METTL8: variants seen among roughly 807,000 people sequenced by gnomAD.
METTL8 encodes the protein tRNA N(3)-cytidine methyltransferase METTL8, mitochondrial.
A neutral mutation model predicts 48.7 loss-of-function variants in METTL8; 32 were observed. The observed-to-expected ratio is 0.66, with a 90% CI of 0.50 to 0.88. The LOEUF is 0.88. Ranked by LOEUF, METTL8 falls within the 40% of genes least tolerant of loss-of-function variation. The pLI, the probability that METTL8 is intolerant of heterozygous loss-of-function variation, is 0.00. For synonymous variants in METTL8, 136 were observed against 157.1 expected, an observed-to-expected ratio of 0.87 and a Z score of 1.01; for missense variants, 464 against 474.4, an observed-to-expected ratio of 0.98 and a Z score of 0.20.
At chr2:171,372,554 T>C (rs1451058233) in intron 2 of METTL8, among the ~76,000 whole-genome samples, 1 of 152,088 alleles carries the variant, frequency 6.6e-6, no homozygotes, top group African/African-American at 2.4e-5. Context: ...TACATATGTA[T>C]ACATGCGCCA....
At chr2:171,387,517 G>A (rs1358616837) in intron 2 of METTL8, among the ~76,000 whole-genome samples, 1 of 151,462 alleles carries the variant, frequency 6.6e-6, no homozygotes, top group Non-Finnish European at 1.5e-5. Flanking sequence ...GCGACAGAGC[G>A]AGACTCTGTC....
intron 3 of METTL8, among the ~76,000 whole-genome samples, chr2:171,347,682 G>A (rs1408638473): frequency 1.4e-4 from 22 of 152,214 alleles, no homozygotes; most frequent in Non-Finnish European, 3.2e-4. Flanking sequence ...GCAGAAGCTT[G>A]AGTAATGTGG....
At chr2:171,373,205 G>A (rs1448539624) in intron 2 of METTL8, among the ~76,000 whole-genome samples, 1 of 152,172 alleles carries the variant, frequency 6.6e-6, no homozygotes, top group Non-Finnish European at 1.5e-5. Flanking sequence ...ATCTCATTGT[G>A]GTTTTGATTT....
intron 2 of METTL8, among the ~76,000 whole-genome samples, chr2:171,383,752 G>A (rs1687791368): frequency 6.6e-6 from 1 of 152,208 alleles, no homozygotes; most frequent in African/African-American, 2.4e-5. Flanking sequence ...TCTGGGCCAT[G>A]TCTCAAAAGC....
At chr2:171,326,358 A>G in intron 7 of METTL8, 1 of 496,000 alleles carries the variant, frequency 2.0e-6, no homozygotes. Context: ...AAAGTCCTAG[A>G]GTATCAAGAA....
At chr2:171,326,661 T>C (rs1186533898) in intron 7 of METTL8, among the ~76,000 whole-genome samples, 3 of 152,188 alleles carry the variant, frequency 2.0e-5, no homozygotes, top group African/African-American at 7.2e-5. Flanking sequence ...TTATTTTTCT[T>C]CCACTGTCCT....
intron 1 of METTL8, among the ~76,000 whole-genome samples, chr2:171,407,090 A>G (rs535472824): frequency 6.6e-6 from 1 of 152,304 alleles, no homozygotes; most frequent in East Asian, 1.9e-4. Context: ...GAAGGAAAAT[A>G]TAACTAGTAA....
At chr2:171,427,078 A>G (rs1692491382) in intron 1 of METTL8, among the ~76,000 whole-genome samples, 1 of 152,284 alleles carries the variant, frequency 6.6e-6, no homozygotes, top group East Asian at 1.9e-4. Flanking sequence ...TCATGTTTCC[A>G]ATTTGTTTTG....
chr2:171,404,471 A>T (rs1689983359), intron 1 of METTL8, among the ~76,000 whole-genome samples: 1 of 152,090 alleles, frequency 6.6e-6, no homozygotes, highest in Admixed American at 6.6e-5. Flanking sequence ...TGGACAAAAG[A>T]GTGATTCACT....
chr2:171,385,603 G>A (rs2105544068), intron 2 of METTL8, among the ~76,000 whole-genome samples: 1 of 152,332 alleles, frequency 6.6e-6, no homozygotes, highest in East Asian at 1.9e-4. Flanking sequence ...TATCTGTGTT[G>A]GTAGAGAGTT....
intron 8 of METTL8, 62 bp from the exon 9 acceptor site, chr2:171,325,968 T>C: frequency 7.3e-7 from 1 of 1,369,086 alleles, no homozygotes; most frequent in South Asian, 1.3e-5. Flanking sequence ...AACAACTAAA[T>C]ACTTTGATGT....
intron 7 of METTL8, among the ~76,000 whole-genome samples, chr2:171,326,632 T>C (rs1684991092): frequency 6.6e-6 from 1 of 152,216 alleles, no homozygotes; most frequent in African/African-American, 2.4e-5. Flanking sequence ...GTACCACCAT[T>C]TACCTCATGA....
intron 7 of METTL8, among the ~76,000 whole-genome samples, chr2:171,329,344 C>T (rs1009694933): frequency 2.6e-5 from 4 of 152,228 alleles, no homozygotes; most frequent in Non-Finnish European, 4.4e-5. Flanking sequence ...ATTATCTGAA[C>T]TAATTTCAAA....
Position 171,324,273 on chromosome 2 carries a change from CT to C in METTL8, c.1122del (p.Val375Ter), listed in dbSNP as rs1156353098. The C allele has an allele frequency of 3.2e-6, 5 of 1,551,478 alleles. No individual in the cohort carries two copies. Among genetic ancestry groups the C allele is most frequent in the Non-Finnish European group, 4.4e-6 (5 of 1,146,984 alleles). On this transcript the variant is annotated frameshift_variant, in exon 10 of 10. Transcript: ENST00000375258. LOFTEE classifies it high-confidence loss of function. ...DRRLQVNRKK[Q>X]VKMHRVWIQG... Reference sequence around the variant, plus strand: ...TGAATCCACACTCGGTGCATTTTCACTTGTTTTTTCCTATTAACTTGTAAGC... The same window carrying C: ...TGAATCCACACTCGGTGCATTTTCACTGTTTTTTCCTATTAACTTGTAAGC...
chr2:171,363,584 G>C (rs751097418), intron 2 of METTL8, among the ~76,000 whole-genome samples: 4 of 151,316 alleles, frequency 2.6e-5, no homozygotes, highest in Non-Finnish European at 5.9e-5. Context: ...ATTCTGTACA[G>C]GGAAATATTT....
At chr2:171,412,623 A>C (rs1690866060) in intron 1 of METTL8, among the ~76,000 whole-genome samples, 1 of 152,142 alleles carries the variant, frequency 6.6e-6, no homozygotes. Context: ...CCAATGGTGC[A>C]CAGGCAATGT....
chr2:171,358,823 A>C (rs79868167), intron 3 of METTL8, among the ~76,000 whole-genome samples: 1 of 152,146 alleles, frequency 6.6e-6, no homozygotes, highest in African/African-American at 2.4e-5. Context: ...AGAAAATGGG[A>C]TTATATCATG....
chr2:171,326,733 A>G (rs1456122784), intron 7 of METTL8, among the ~76,000 whole-genome samples: 1 of 152,018 alleles, frequency 6.6e-6, no homozygotes, highest in Non-Finnish European at 1.5e-5. Flanking sequence ...CATCTTTGAT[A>G]TTTCCTGTCT....
chr2:171,379,545 A>C (rs899824035), intron 2 of METTL8, among the ~76,000 whole-genome samples: 6 of 152,138 alleles, frequency 3.9e-5, no homozygotes, highest in Admixed American at 2.6e-4. Context: ...GAGAAGAATC[A>C]AATAGATGAA....
Sources: allele counts gnomAD v4.1 joint callset (sites outside exome capture counted in the v4.1 genomes callset), GRCh38; gene constraint gnomAD v4.1.1; transcripts MANE v1.5; gene names NCBI Gene and HGNC (gene_info 2026-07-23, HGNC 2026-07-21).